Variants in MYOM3 observed in about 807,000 individuals in gnomAD.
The protein encoded by MYOM3 is myomesin 3.
In MYOM3, 155 loss-of-function variants were observed where a neutral mutation model predicts 191.7. That is an observed-to-expected ratio of 0.81 (90% CI 0.71 to 0.92). The LOEUF (loss-of-function observed/expected upper bound fraction) is 0.92. Ranked by LOEUF, MYOM3 falls within the 40% of genes least tolerant of loss-of-function variation. The pLI is 0.00. For synonymous variants in MYOM3, 757 were observed against 762.9 expected (o/e 0.99, Z 0.13); for missense variants, 1,889 against 1,890.6 (o/e 1.00, Z 0.02).
In MYOM3 at chr1:24,067,301, TTTCC is replaced by T. The variant is rs1557602281; in HGVS notation, c.3356-217_3356-214del. ...CTTCCTTCCTTTCTTTCTTTCTTTC[TTTCC>T]TTCTTTCTTTCTTTCTTTCCTTCTT... is the stretch of plus-strand genomic sequence containing the variant. On this transcript the variant is annotated intron_variant, in intron 27 of 36. Coordinates refer to ENST00000374434, the MANE Select transcript of MYOM3 (RefSeq NM_152372.4). 1.1e-4 allele frequency among the ~76,000 whole-genome samples: 14 copies of T among 124,786 alleles called. No individual in the cohort carries two copies. The East Asian group carries it at 1.2e-3, about 11-fold the overall frequency. The allele number at this position is 124,786 out of a possible 152,430, so 81.9% of individuals were successfully genotyped here.
At chr1:24,094,480 C>G (rs1241933270) in intron 9 of MYOM3, among the ~76,000 whole-genome samples, 1 of 152,104 alleles carries the variant, frequency 6.6e-6, no homozygotes, top group Admixed American at 6.5e-5. Context: ...CTCCCTCACT[C>G]TTAGGGAGGT....
intron 20 of MYOM3, among the ~76,000 whole-genome samples, chr1:24,078,406 G>A (rs1321631177): frequency 1.3e-5 from 2 of 152,126 alleles, no homozygotes; most frequent in Admixed American, 6.5e-5. Context: ...CATGAGACCC[G>A]CCGTGCCCAG....
rs181016221 is a variant in MYOM3, at chr1:24,056,122, T to C, written c.*1242A>G. ...AATTTTACAACAAACATCTATAATT[T>C]TATGAACACTCCCCATCTTATTTTT... On this transcript the variant is annotated 3_prime_UTR_variant, in exon 37 of 37. Transcript: ENST00000374434. The C allele has an allele frequency of 1.1e-3, 175 of 152,304 alleles. No individual in the cohort carries two copies. Among genetic ancestry groups the C allele is most frequent in the African/African-American group, 4.0e-3 (168 of 41,566 alleles). The allele number at this position is 152,304 out of a possible 1,614,324, so 9.4% of individuals were successfully genotyped here.
At chr1:24,090,320 G>A (rs1221253946) in intron 12 of MYOM3, among the ~76,000 whole-genome samples, 2 of 152,198 alleles carry the variant, frequency 1.3e-5, no homozygotes, top group African/African-American at 4.8e-5. Context: ...CTCAGGCCCT[G>A]GCACATGCTC....
In MYOM3 at chr1:24,063,596, G is replaced by A. The variant is rs1197446569; in HGVS notation, c.3623-66C>T. On this transcript the variant is annotated intron_variant, in intron 30 of 36. Transcript: ENST00000374434. The surrounding 1 kb of genome is among the most constrained non-coding windows in gnomAD (Gnocchi z 4.5). ...CCCCTAGGGATGTGCTAGGAGTGGG[G>A]ACATCCTAGAAAAAGGCTGGTGGAG... 1 of 1,581,400 alleles carries A rather than the reference G, an allele frequency of 6.3e-7. No homozygotes were observed. Among genetic ancestry groups the A allele is most frequent in the Non-Finnish European group, 8.7e-7 (1 of 1,151,686 alleles).
rs781461834 is a variant in MYOM3, at chr1:24,099,790, C to A, written c.561-15G>T. On this transcript the variant is annotated splice_polypyrimidine_tract_variant and intron_variant, in intron 5 of 36. Transcript: ENST00000374434. ...CATTTTTGTACCTGTGGGGACATAG[C>A]GGTCTGTGGCAGGCAGGGTGGTTCT... The A allele has an allele frequency of 1.2e-6, 2 of 1,603,192 alleles. No individual in the cohort carries two copies. The highest frequency in any genetic ancestry group is 1.7e-6 in the Non-Finnish European group (2 of 1,170,420).
intron 7 of MYOM3, among the ~76,000 whole-genome samples, chr1:24,096,296 G>T (rs912298468): frequency 6.6e-6 from 1 of 152,224 alleles, no homozygotes; most frequent in Non-Finnish European, 1.5e-5. Flanking sequence ...CTACGGAGAT[G>T]AAAGCAGAGA....
rs1324199732 is a variant in MYOM3 at position 24,071,972 on chromosome 1, G to T, written c.3010C>A (p.Pro1004Thr). The change falls in exon 24 of 37, where the codon CCA (proline) becomes ACA (threonine). Residue 1004 changes from proline to threonine, a missense_variant. Transcript: ENST00000374434. ...LKKLSHEIRN[P>T]VIKLISGWNI... Reference sequence around the variant, plus strand: ...GTAGCTTGGACTGCTTGCTTACCTGGGTTTCTGATCTCATGACTCAGCTTC... The same window carrying T: ...GTAGCTTGGACTGCTTGCTTACCTGTGTTTCTGATCTCATGACTCAGCTTC... The T allele has an allele frequency of 6.2e-7, 1 of 1,613,936 alleles. No individual in the cohort carries two copies.
intron 25 of MYOM3, 49 bp downstream of exon 25, chr1:24,071,068 C>A: frequency 6.3e-7 from 1 of 1,596,854 alleles, no homozygotes; most frequent in East Asian, 2.2e-5. Context: ...CGCGAGGCCA[C>A]CTCCCCGGCA....
intron 32 of MYOM3, among the ~76,000 whole-genome samples, 195 bp downstream of exon 32, chr1:24,062,931 C>G (rs951486059): frequency 6.6e-6 from 1 of 152,224 alleles, no homozygotes; most frequent in Non-Finnish European, 1.5e-5. Flanking sequence ...CTGCTAATCT[C>G]TATCCTCAAC....
Position 24,067,325 on chromosome 1 carries a change from C to CTTCTTTCTTTCTTTCT in MYOM3, c.3356-253_3356-238dup, listed in dbSNP as rs796793986. 3.9e-4 allele frequency among the ~76,000 whole-genome samples: 23 copies of CTTCTTTCTTTCTTTCT among 58,908 alleles called. 1 individual carries two copies. Among genetic ancestry groups the CTTCTTTCTTTCTTTCT allele is most frequent in the East Asian group, 6.1e-4 (1 of 1,632 alleles). The allele number at this position is 58,908 out of a possible 152,430, so 38.6% of individuals were successfully genotyped here. A position where few individuals can be genotyped will look rare whatever the true frequency, so the allele number is the denominator to read the frequency against. On this transcript the variant is annotated intron_variant, in intron 27 of 36. Transcript: ENST00000374434. ...CTTTCCTTCTTTCTTTCTTTCTTTC[C>CTTCTTTCTTTCTTTCT]TTCTTTCTTTCTTTCTTTCTTTCTT...
chr1:24,057,102 T>TA lies in MYOM3; in HGVS notation c.*261dup. 1.9e-6 allele frequency: 1 copy of TA among 524,232 alleles called. No homozygotes were observed. Among genetic ancestry groups the TA allele is most frequent in the Non-Finnish European group, 3.4e-6 (1 of 292,650 alleles). 32.5% of individuals were successfully genotyped at this position (524,232 alleles called of 1,614,324 possible). A position where few individuals can be genotyped will look rare whatever the true frequency, so the allele number is the denominator to read the frequency against. ...TCTACCTATCAGATGCCAGTACTGT[T>TA]AGATAGCCCCAGTGCATCCGGGTCT... On this transcript the variant is annotated 3_prime_UTR_variant, in exon 37 of 37. Transcript: ENST00000374434.
chr1:24,096,398 C>T (rs757859771), intron 7 of MYOM3, among the ~76,000 whole-genome samples: 1 of 152,168 alleles, frequency 6.6e-6, no homozygotes, highest in Non-Finnish European at 1.5e-5. Flanking sequence ...CCTGGAGTTG[C>T]CAGCCTTGAT....
At chr1:24,098,975 T>G (rs1643893176) in intron 6 of MYOM3, among the ~76,000 whole-genome samples, 1 of 152,118 alleles carries the variant, frequency 6.6e-6, no homozygotes, top group African/African-American at 2.4e-5. Context: ...ATGGGGTGCT[T>G]CCCTCAAGCA....
In MYOM3 at chr1:24,093,265, T is replaced by C. The variant is rs115812613; in HGVS notation, c.929-157A>G. Among the ~76,000 whole-genome samples, 1,260 of 152,172 alleles carry C rather than the reference T, an allele frequency of 8.3e-3. 12 individuals are homozygous for C. Among genetic ancestry groups the C allele is most frequent in the Middle Eastern group, 0.027 (8 of 294 alleles). ...GGGTGGGGGTGGTGGCCTCCAGGGCTTTGCCAAGGCAGGCAGTGGAGAACT... is the reference window on the plus strand; with the variant it reads ...GGGTGGGGGTGGTGGCCTCCAGGGCCTTGCCAAGGCAGGCAGTGGAGAACT... On this transcript the variant is annotated intron_variant, in intron 9 of 36. Transcript: ENST00000374434.
chr1:24,082,067 C>G lies in MYOM3; in HGVS notation c.2214G>C (p.Gln738His). 6.2e-7 allele frequency: 1 copy of G among 1,612,966 alleles called. No individual in the cohort carries two copies. Among genetic ancestry groups the G allele is most frequent in the Non-Finnish European group, 8.5e-7 (1 of 1,179,972 alleles). ...GGKILGYFLD[Q>H]HDSEELDWHA... The stretch of plus-strand genomic sequence containing the variant: ...GCCAGTCCAGCTCTTCCGAGTCATG[C>G]TGGTCCAGGAAGTAGCCCAGGATCT... The change falls in exon 18 of 37, where the codon CAG (glutamine) becomes CAC (histidine). Residue 738 changes from glutamine (Q) to histidine (H), a missense_variant. Physicochemically the swap from Gln to His is conservative, Grantham distance 24. Coordinates refer to ENST00000374434, the MANE Select transcript of MYOM3 (RefSeq NM_152372.4).
chr1:24,072,067 G>T, intron 23 of MYOM3, 54 bp from the exon 24 acceptor site: 4 of 1,578,918 alleles, frequency 2.5e-6, no homozygotes, highest in Non-Finnish European at 3.5e-6. Context: ...ATCCTGGTCG[G>T]GGGTGGGGGG....
chr1:24,072,162 GGGGCCATGATGAGTACTGTGA>G, intron 23 of MYOM3, 149 bp from the exon 24 acceptor site: 1 of 752,690 alleles, frequency 1.3e-6, no homozygotes, highest in Non-Finnish European at 2.3e-6. Flanking sequence ...TGGCTCCATA[GGGGCCATGATGAGTACTGTGA>G]GCCTTTGCCC....
rs1185490602 is a variant in MYOM3 at position 24,079,047 on chromosome 1, TATCTGC to T, written c.2586+963_2586+968del. Among the ~76,000 whole-genome samples, 7 of 152,356 alleles carry T rather than the reference TATCTGC, an allele frequency of 4.6e-5. No homozygotes were observed. The South Asian group carries it at 1.4e-3, about 32-fold the overall frequency. On this transcript the variant is annotated intron_variant, in intron 20 of 36. Coordinates refer to ENST00000374434, the MANE Select transcript of MYOM3 (RefSeq NM_152372.4). Reference sequence around the variant, plus strand: ...TTTCTCATTTAAATTAAGGAACATGTATCTGCATACATGTTTATTTATCTATATTAT... The same window carrying T: ...TTTCTCATTTAAATTAAGGAACATGTATACATGTTTATTTATCTATATTAT...
Sources: allele counts gnomAD v4.1 joint callset (sites outside exome capture counted in the v4.1 genomes callset), GRCh38; gene constraint gnomAD v4.1.1; non-coding constraint Gnocchi (gnomAD v3.1); transcripts MANE v1.5; gene names NCBI Gene and HGNC (gene_info 2026-07-23, HGNC 2026-07-21).